Variants in CCDC73 observed in about 807,000 individuals in gnomAD.
The protein encoded by CCDC73 is coiled-coil domain-containing protein 73.
CCDC73 carries 95 observed loss-of-function variants against 116.5 expected under a neutral mutation model. The observed-to-expected ratio is 0.82, with a 90% CI of 0.69 to 0.97. The LOEUF (loss-of-function observed/expected upper bound fraction) is 0.97. Among genes scored for constraint, CCDC73 ranks in the 50% least tolerant of loss-of-function variants. CCDC73 has a pLI of 0.00. For synonymous variants in CCDC73, 398 were observed against 401.3 expected (o/e 0.99, Z 0.10); for missense variants, 1,066 against 1,206.8 (o/e 0.88, Z 1.73).
chr11:32,728,338 CAAT>C (rs1414103511), intron 2 of CCDC73, among the ~76,000 whole-genome samples: 5 of 152,080 alleles, frequency 3.3e-5, no homozygotes, highest in Admixed American at 6.6e-5. Context: ...ATAGGAGATC[CAAT>C]AATATCATTA....
At chr11:32,738,455 T>C (rs1232315836) in intron 2 of CCDC73, among the ~76,000 whole-genome samples, 1 of 152,214 alleles carries the variant, frequency 6.6e-6, no homozygotes, top group East Asian at 1.9e-4. Flanking sequence ...TGATGATCAG[T>C]GATGTTGAAC....
At chr11:32,785,291 A>G (rs924623111) in intron 1 of CCDC73, among the ~76,000 whole-genome samples, 2 of 152,238 alleles carry the variant, frequency 1.3e-5, no homozygotes, top group Non-Finnish European at 2.9e-5. Context: ...TAAGTATACC[A>G]GATTACAATG....
At chr11:32,760,860 C>A (rs184631668) in intron 1 of CCDC73, among the ~76,000 whole-genome samples, 3 of 152,258 alleles carry the variant, frequency 2.0e-5, no homozygotes, top group Admixed American at 2.0e-4. Flanking sequence ...TCAATAACCC[C>A]CGCAAATGTT....
At chr11:32,716,218 G>A (rs768812573) in intron 3 of CCDC73, among the ~76,000 whole-genome samples, 4 of 151,988 alleles carry the variant, frequency 2.6e-5, no homozygotes, top group Non-Finnish European at 4.4e-5. Flanking sequence ...TCTAAAAGTT[G>A]GTAAAGGTAG....
the CCDC73 span, among the ~76,000 whole-genome samples, chr11:32,827,865 G>A: frequency 6.6e-6 from 1 of 152,192 alleles, no homozygotes; most frequent in African/African-American, 2.4e-5. Flanking sequence ...GCTGTAGGTT[G>A]ACTCAATGAA....
At chr11:32,626,086 G>A (rs989150346) in intron 14 of CCDC73, among the ~76,000 whole-genome samples, 8 of 150,990 alleles carry the variant, frequency 5.3e-5, no homozygotes, top group African/African-American at 1.5e-4. Flanking sequence ...AAACCCCATC[G>A]TCTCAGCCCA....
chr11:32,629,555 A>T (rs1855609039), intron 14 of CCDC73, among the ~76,000 whole-genome samples: 1 of 151,912 alleles, frequency 6.6e-6, no homozygotes, highest in South Asian at 2.1e-4. Context: ...ATGCGCCACC[A>T]CGCCCGGCGA....
the CCDC73 span, among the ~76,000 whole-genome samples, chr11:32,802,381 G>C: frequency 6.6e-6 from 1 of 152,134 alleles, no homozygotes; most frequent in Non-Finnish European, 1.5e-5. Flanking sequence ...CAAAAATGTT[G>C]TCATCATCTT....
chr11:32,742,178 A>G (rs576723060), intron 2 of CCDC73, among the ~76,000 whole-genome samples: 3 of 152,332 alleles, frequency 2.0e-5, no homozygotes, highest in Non-Finnish European at 2.9e-5. Context: ...ATGCCCAGTA[A>G]TGGCATGGCT....
intron 14 of CCDC73, among the ~76,000 whole-genome samples, chr11:32,632,746 T>A (rs1855643019): frequency 1.3e-5 from 2 of 152,104 alleles, no homozygotes; most frequent in South Asian, 4.1e-4. Flanking sequence ...TGTGTGTGTA[T>A]GTTGTGTATA....
chr11:32,650,118 A>T (rs376401652), intron 12 of CCDC73, among the ~76,000 whole-genome samples: 2 of 152,190 alleles, frequency 1.3e-5, no homozygotes, highest in East Asian at 3.8e-4. Context: ...TAGGCTCTGT[A>T]GAATTCAGCA....
chr11:32,815,468 G>A, the CCDC73 span, among the ~76,000 whole-genome samples: 2 of 149,680 alleles, frequency 1.3e-5, no homozygotes, highest in Admixed American at 6.6e-5. Context: ...CCAAAGCGCT[G>A]GGATTTACAG....
intron 7 of CCDC73, chr11:32,681,924 T>C (rs1389191398): frequency 6.6e-6 from 1 of 151,822 alleles, no homozygotes; most frequent in East Asian, 1.9e-4. Context: ...AGAATGAATA[T>C]AAAATATTAA....
At chr11:32,650,870 T>C (rs1363958105) in intron 12 of CCDC73, among the ~76,000 whole-genome samples, 2 of 152,172 alleles carry the variant, frequency 1.3e-5, no homozygotes, top group Non-Finnish European at 2.9e-5. Context: ...TGGTACAAAA[T>C]GAAAAACACA....
chr11:32,639,729 A>G (rs1205297486), intron 13 of CCDC73, among the ~76,000 whole-genome samples: 2 of 152,120 alleles, frequency 1.3e-5, no homozygotes, highest in South Asian at 2.1e-4. Flanking sequence ...GATTACAGGC[A>G]TGAGCCACCA....
At chr11:32,778,425 T>C (rs183845466) in intron 1 of CCDC73, among the ~76,000 whole-genome samples, 1 of 152,348 alleles carries the variant, frequency 6.6e-6, no homozygotes, top group Admixed American at 6.5e-5. Flanking sequence ...TATCAAATGC[T>C]GAGTTAAAGA....
chr11:32,669,233 G>A (rs1350234199), intron 9 of CCDC73, among the ~76,000 whole-genome samples: 1 of 152,052 alleles, frequency 6.6e-6, no homozygotes, highest in Non-Finnish European at 1.5e-5. Flanking sequence ...ATATTTATAG[G>A]ATGTTTGACT....
chr11:32,668,112 G>A (rs751767370), intron 9 of CCDC73, among the ~76,000 whole-genome samples: 7 of 152,138 alleles, frequency 4.6e-5, no homozygotes, highest in Non-Finnish European at 7.3e-5. Flanking sequence ...CATCTACCAC[G>A]TGCAAGGCAC....
At chr11:32,813,077 G>A in the CCDC73 span, among the ~76,000 whole-genome samples, 2 of 151,848 alleles carry the variant, frequency 1.3e-5, no homozygotes, top group East Asian at 1.9e-4. Flanking sequence ...TTATTGATTT[G>A]CAGTTCTTTA....
Sources: allele counts gnomAD v4.1 joint callset (sites outside exome capture counted in the v4.1 genomes callset), GRCh38; gene constraint gnomAD v4.1.1; transcripts MANE v1.5; gene names NCBI Gene and HGNC (gene_info 2026-07-23, HGNC 2026-07-21).